The following ITGAM variants were observed in gnomAD, a reference collection of about 807,000 sequenced individuals.
ITGAM encodes the protein integrin alpha-M.
ITGAM carries 79 observed loss-of-function variants against 137.5 expected under a neutral mutation model. That is an observed-to-expected ratio of 0.57 (90% CI 0.48 to 0.69). ITGAM has a LOEUF of 0.69. ITGAM is among the 30% of genes least tolerant of loss of function. The pLI is 0.00. For synonymous variants in ITGAM, 583 were observed against 592.3 expected (o/e 0.98, Z 0.23); for missense variants, 1,343 against 1,483.5 (o/e 0.91, Z 1.56).
intron 1 of ITGAM, among the ~76,000 whole-genome samples, chr16:31,260,293 C>G (rs41502152): frequency 2.6e-5 from 4 of 152,246 alleles, no homozygotes; most frequent in Non-Finnish European, 5.9e-5. Flanking sequence ...TGAATGACCA[C>G]ATTCATGGAC....
chr16:31,330,753 GAGAC>G (rs534228491), intron 28 of ITGAM, 148 bp downstream of exon 28: 174 of 619,586 alleles, frequency 2.8e-4, no homozygotes, highest in South Asian at 6.5e-4. Context: ...CGTAAGGAGA[GAGAC>G]AGACAGAGAC....
chr16:31,331,176 A>G lies in ITGAM; in HGVS notation c.3288A>G (p.Lys1096=), dbSNP rs1007862051. The change falls in exon 29 of 30, where the codon AAA becomes AAG. Residue 1096 remains lysine (K), a synonymous_variant. Coordinates refer to ENST00000544665, the MANE Select transcript of ITGAM (RefSeq NM_000632.4). The stretch of plus-strand genomic sequence containing the variant: ...CCTTCCTCCCCCAGACGGAGACCAA[A>G]GTGGAGCCGTTCGAGGTCCCCAACC... ...GAFVRSQTET[K]VEPFEVPNPL... 1 of 1,608,298 alleles carries G rather than the reference A, an allele frequency of 6.2e-7. No homozygotes were observed. Among genetic ancestry groups the G allele is most frequent in the African/African-American group, 1.3e-5 (1 of 74,776 alleles).
intron 14 of ITGAM, among the ~76,000 whole-genome samples, chr16:31,300,009 C>A (rs1293662987): frequency 6.6e-6 from 1 of 152,124 alleles, no homozygotes; most frequent in Non-Finnish European, 1.5e-5. Flanking sequence ...TGGGCCCATT[C>A]CACCATGCCT....
chr16:31,272,464 T>TATA (rs1398893791), intron 7 of ITGAM, among the ~76,000 whole-genome samples: 1 of 9,022 alleles, frequency 1.1e-4, no homozygotes, highest in African/African-American at 5.1e-4. Context: ...TATATATATA[T>TATA]TTTTTTTTTT....
rs781653540 is a variant in ITGAM at position 31,324,420 on chromosome 16, C to T, written c.2024C>T (p.Thr675Ile). 2.6e-6 allele frequency: 4 copies of T among 1,552,516 alleles called. No homozygotes were observed. In the South Asian group the frequency reaches 4.8e-5, roughly 18 times the overall value. ...TCAGGACAGATCCAGAGTGTTGTGA[C>T]TTATGACCTGGCTCTGGACTCCGGC... is the stretch of plus-strand genomic sequence containing the variant. ...LREGQIQSVV[T>I]YDLALDSGRP... Residue 675 changes from threonine (T) to isoleucine (I), a missense_variant, in exon 17 of 30, where the codon ACT becomes ATT. Physicochemically the swap from Thr to Ile is moderately conservative, Grantham distance 89. Coordinates refer to ENST00000544665, the MANE Select transcript of ITGAM (RefSeq NM_000632.4). This position sits in a 1 kb window ranked among gnomAD's most constrained non-coding sequence, Gnocchi z 4.5.
intron 12 of ITGAM, among the ~76,000 whole-genome samples, chr16:31,284,896 G>T (rs1163475281): frequency 6.6e-6 from 1 of 152,018 alleles, no homozygotes; most frequent in Non-Finnish European, 1.5e-5. Context: ...TTTCAGGCAG[G>T]GCATGTTGGC....
intron 14 of ITGAM, among the ~76,000 whole-genome samples, chr16:31,319,495 T>C (rs2080425735): frequency 6.6e-6 from 1 of 152,222 alleles, no homozygotes; most frequent in Non-Finnish European, 1.5e-5. Context: ...TGCTCTCTTT[T>C]GGTTACCATT....
In ITGAM at chr16:31,270,126, CT is replaced by C. The variant is rs869293760; in HGVS notation, c.428-826del. Among the ~76,000 whole-genome samples, 164 of 117,178 alleles carry C rather than the reference CT, an allele frequency of 1.4e-3. 1 individual carries two copies. The highest frequency in any genetic ancestry group is 7.9e-3 in the South Asian group (24 of 3,036). The allele number at this position is 117,178 out of a possible 152,430, so 76.9% of individuals were successfully genotyped here. A position where few individuals can be genotyped will look rare whatever the true frequency, so the allele number is the denominator to read the frequency against. On this transcript the variant is annotated intron_variant, in intron 5 of 29. Transcript: ENST00000544665. The stretch of plus-strand genomic sequence containing the variant: ...AAATCCTTCCTTCCTTCCTTCCTTC[CT>C]TCCTCCTTTGCTTTCCTTTCCTTTC...
rs1365679622 is a variant in ITGAM at position 31,324,602 on chromosome 16, G to C, written c.2157+49G>C. The C allele has an allele frequency of 6.2e-7, 1 of 1,610,116 alleles. No individual in the cohort carries two copies. Among genetic ancestry groups the C allele is most frequent in the Non-Finnish European group, 8.5e-7 (1 of 1,177,964 alleles). On this transcript the variant is annotated intron_variant, in intron 17 of 29. Coordinates refer to ENST00000544665, the MANE Select transcript of ITGAM (RefSeq NM_000632.4). The surrounding 1 kb of genome is among the most constrained non-coding windows in gnomAD (Gnocchi z 4.5). ...CCTGGGTCTTCCAAGCATGGAGTGG[G>C]CTTGGGGAGCTGAGGAGGGCAGATC...
rs535986528 is a variant in ITGAM at position 31,261,765 on chromosome 16, C to T, written c.102C>T (p.Phe34=). The T allele has an allele frequency of 1.1e-4, 174 of 1,612,946 alleles. No homozygotes were observed. Among genetic ancestry groups the T allele is most frequent in the Middle Eastern group, 1.6e-4 (1 of 6,082 alleles). Residue 34 remains phenylalanine (F), a synonymous_variant, in exon 2 of 30, where the codon TTC becomes TTT. Coordinates refer to ENST00000544665, the MANE Select transcript of ITGAM (RefSeq NM_000632.4). ...AMTFQENARG[F]GQSVVQLQGS... The stretch of plus-strand genomic sequence containing the variant: ...CCTTCCAAGAGAACGCAAGGGGCTT[C>T]GGGCAGAGCGTGGTCCAGCTTCAGG...
chr16:31,305,655 C>A (rs1038766962), intron 14 of ITGAM, among the ~76,000 whole-genome samples: 2 of 151,882 alleles, frequency 1.3e-5, no homozygotes, highest in Admixed American at 6.6e-5. Flanking sequence ...TTATTGAAAG[C>A]CTTTTTTTAA....
Position 31,331,970 on chromosome 16 carries a change from T to G in ITGAM, c.*263T>G. 1.9e-6 allele frequency: 1 copy of G among 526,902 alleles called. No homozygotes were observed. The highest frequency in any genetic ancestry group is 3.4e-6 in the Non-Finnish European group (1 of 297,330). 32.6% of individuals were successfully genotyped at this position (526,902 alleles called of 1,614,324 possible). A position where few individuals can be genotyped will look rare whatever the true frequency, so the allele number is the denominator to read the frequency against. Reference sequence around the variant, plus strand: ...GCAAGTATGTGAGTGTGTCCAAGTGTGTGTGCGTGTGTCCATGTGTGTGCA... The same window carrying G: ...GCAAGTATGTGAGTGTGTCCAAGTGGGTGTGCGTGTGTCCATGTGTGTGCA... On this transcript the variant is annotated 3_prime_UTR_variant, in exon 30 of 30. Transcript: ENST00000544665.
chr16:31,311,140 G>A (rs1220809491), intron 14 of ITGAM, among the ~76,000 whole-genome samples: 4 of 152,070 alleles, frequency 2.6e-5, no homozygotes, highest in Non-Finnish European at 4.4e-5. Flanking sequence ...AATTCAAGAT[G>A]GATTAAAGAC....
intron 14 of ITGAM, among the ~76,000 whole-genome samples, chr16:31,302,922 T>C (rs1200986366): frequency 1.3e-3 from 8 of 5,940 alleles, no homozygotes; most frequent in African/African-American, 5.1e-3. Flanking sequence ...CCCTCCCTCT[T>C]TCTTTCTTTC....
rs769047018 is a variant in ITGAM at position 31,328,237 on chromosome 16, G to C, written c.2792+7G>C. The C allele has an allele frequency of 2.5e-5, 40 of 1,611,590 alleles. No individual in the cohort carries two copies. The highest frequency in any genetic ancestry group is 1.7e-4 in the Admixed American group (10 of 59,998). On this transcript the variant is annotated splice_region_variant and intron_variant, in intron 23 of 29. Transcript: ENST00000544665. Reference sequence around the variant, plus strand: ...TCTACATGGTGGTCACCAGGTGCTGGCTTCCAGGACTTTAGCTGAGCCTCC... The same window carrying C: ...TCTACATGGTGGTCACCAGGTGCTGCCTTCCAGGACTTTAGCTGAGCCTCC...
At chr16:31,310,708 C>T (rs1259521704) in intron 14 of ITGAM, among the ~76,000 whole-genome samples, 1 of 152,184 alleles carries the variant, frequency 6.6e-6, no homozygotes, top group African/African-American at 2.4e-5. Context: ...CAAAGTGATT[C>T]TCCGTCCAGC....
chr16:31,321,610 G>T lies in ITGAM; in HGVS notation c.1985G>T (p.Arg662Leu). Residue 662 changes from arginine to leucine, a missense_variant, in exon 16 of 30, where the codon CGG becomes CTG. Arg to Leu is a moderately radical substitution (Grantham distance 102). Coordinates refer to ENST00000544665, the MANE Select transcript of ITGAM (RefSeq NM_000632.4). The part of the protein sequence containing the change: ...RVCLHVQKST[R>L]DRLREGQIQS... ...TGCCTCCATGTCCAGAAGAGCACAC[G>T]GGATCGGCTAAGAGAAGGTGAGGCT... The T allele has an allele frequency of 6.2e-7, 1 of 1,613,822 alleles. No homozygotes were observed. The highest frequency in any genetic ancestry group is 8.5e-7 in the Non-Finnish European group (1 of 1,179,826).
chr16:31,264,515 A>C (rs2079741579), intron 2 of ITGAM, among the ~76,000 whole-genome samples: 1 of 152,144 alleles, frequency 6.6e-6, no homozygotes, highest in South Asian at 2.1e-4. Flanking sequence ...CCAGTGGCTC[A>C]TGCCTGTAAT....
intron 22 of ITGAM, 59 bp downstream of exon 22, chr16:31,326,994 C>A (rs760069695): frequency 6.9e-6 from 9 of 1,300,934 alleles, no homozygotes; most frequent in Non-Finnish European, 8.9e-6. Flanking sequence ...CAGCCCCTGG[C>A]CCATGGTGGG....
Sources: allele counts gnomAD v4.1 joint callset (sites outside exome capture counted in the v4.1 genomes callset), GRCh38; gene constraint gnomAD v4.1.1; non-coding constraint Gnocchi (gnomAD v3.1); transcripts MANE v1.5; gene names NCBI Gene and HGNC (gene_info 2026-07-23, HGNC 2026-07-21).